Variants in PUM3 observed in about 807,000 individuals in gnomAD.
PUM3 encodes the protein pumilio RNA binding family member 3.
In PUM3, 91 loss-of-function variants were observed where a neutral mutation model predicts 84.0. That is an observed-to-expected ratio of 1.08 (90% confidence interval 0.91 to 1.29). PUM3 has a LOEUF of 1.29. PUM3 is among the 50% of genes most tolerant of loss of function. PUM3 has a pLI of 0.00. For synonymous variants in PUM3, 321 were observed against 266.7 expected (o/e 1.20, Z -1.98); for missense variants, 1,067 against 767.5 (o/e 1.39, Z -4.61).
At position 2,811,494 on chromosome 9, in the gene PUM3, A is replaced by G; in HGVS notation, c.1502T>C (p.Val501Ala). The part of the protein sequence containing the change: ...LSYLQEHAQE[V>A]VLDKSACVLV... Reference sequence around the variant, plus strand: ...CACACACGCAGACTTATCTAGCACCACTTCTTGGGCGTGTTCTTGCAGGTA... The same window carrying G: ...CACACACGCAGACTTATCTAGCACCGCTTCTTGGGCGTGTTCTTGCAGGTA... The change falls in exon 15 of 18, where the codon GTG (valine) becomes GCG (alanine). Residue 501 changes from valine to alanine, a missense_variant. Coordinates refer to ENST00000397885, the MANE Select transcript of PUM3 (RefSeq NM_014878.5). The G allele has an allele frequency of 6.2e-7, 1 of 1,614,150 alleles. No individual in the cohort carries two copies. Among genetic ancestry groups the G allele is most frequent in the Non-Finnish European group, 8.5e-7 (1 of 1,180,026 alleles).
At position 2,838,384 on chromosome 9, in the gene PUM3, C is replaced by G. The variant is rs1816184245; in HGVS notation, c.82+42G>C. 3.0e-6 allele frequency: 4 copies of G among 1,348,506 alleles called. No homozygotes were observed. The Admixed American group carries it at 6.7e-5, about 23-fold the overall frequency. The allele number at this position is 1,348,506 out of a possible 1,614,324, so 83.5% of individuals were successfully genotyped here. On this transcript the variant is annotated intron_variant, in intron 2 of 17. Coordinates refer to ENST00000397885, the MANE Select transcript of PUM3 (RefSeq NM_014878.5). Reference sequence around the variant, plus strand: ...ATTTACTACATGCCCTCCCATCCCCCAATTATAACAGCCAAACACCCACAT... The same window carrying G: ...ATTTACTACATGCCCTCCCATCCCCGAATTATAACAGCCAAACACCCACAT...
chr9:2,824,628 TA>T (rs1815758170), intron 11 of PUM3, 88 bp downstream of exon 11: 3 of 818,826 alleles, frequency 3.7e-6, no homozygotes, highest in East Asian at 6.5e-5. Flanking sequence ...CAAAGGGGGT[TA>T]AAAGTCTAAG....
In PUM3 at chr9:2,828,672, T is replaced by A; in HGVS notation, c.956+3A>T. On this transcript the variant is annotated splice_donor_region_variant and intron_variant, in intron 9 of 17. Transcript: ENST00000397885. ...AAGAACAAAACAAAAACAACTTTCT[T>A]ACTTTTGGGCCATTGGAGTTAGAAT... 1 of 1,535,948 alleles carries A rather than the reference T, an allele frequency of 6.5e-7. No individual in the cohort carries two copies. Among genetic ancestry groups the A allele is most frequent in the Non-Finnish European group, 9.0e-7 (1 of 1,112,180 alleles).
rs1234944918 is a variant in PUM3 at position 2,832,809 on chromosome 9, G to C, written c.516+548C>G. On this transcript the variant is annotated intron_variant, in intron 5 of 17. Transcript: ENST00000397885. Reference sequence around the variant, plus strand: ...AGGTGCCGTAAAACTATGAGAATCTGTTGTCTTCCAAGCCATTATGTATTA... The same window carrying C: ...AGGTGCCGTAAAACTATGAGAATCTCTTGTCTTCCAAGCCATTATGTATTA... Among the ~76,000 whole-genome samples, 4 of 152,162 alleles carry C rather than the reference G, an allele frequency of 2.6e-5. No individual in the cohort carries two copies. The East Asian group carries it at 7.7e-4, about 29-fold the overall frequency.
rs1208150013 is a variant in PUM3 at position 2,837,370 on chromosome 9, C to T, written c.114G>A (p.Arg38=). 1 of 1,613,162 alleles carries T rather than the reference C, an allele frequency of 6.2e-7. No homozygotes were observed. The change falls in exon 3 of 18, where the codon AGG becomes AGA. Residue 38 remains arginine, a synonymous_variant. Coordinates refer to ENST00000397885, the MANE Select transcript of PUM3 (RefSeq NM_014878.5). Reference sequence around the variant, plus strand: ...TAGGTCCACCTTCTTTAGCAACTTTCCTTGTTGGAAATGTCTTTGAAGAAC... The same window carrying T: ...TAGGTCCACCTTCTTTAGCAACTTTTCTTGTTGGAAATGTCTTTGAAGAAC... ...DSGSSKTFPT[R]KVAKEGGPKV... is the part of the protein sequence containing the mutation.
At chr9:2,829,054 C>G (rs916464248) in intron 8 of PUM3, among the ~76,000 whole-genome samples, 3 of 152,172 alleles carry the variant, frequency 2.0e-5, no homozygotes, top group African/African-American at 7.2e-5. Context: ...ATTATGAGAT[C>G]AAGTAGTCAC....
intron 17 of PUM3, among the ~76,000 whole-genome samples, chr9:2,807,162 C>G (rs920260302): frequency 6.6e-6 from 1 of 151,764 alleles, no homozygotes; most frequent in Non-Finnish European, 1.5e-5. Context: ...GAGCTGAGAT[C>G]GCACCACTGC....
intron 13 of PUM3, among the ~76,000 whole-genome samples, chr9:2,817,938 T>C (rs555964130): frequency 2.0e-5 from 3 of 152,368 alleles, no homozygotes; most frequent in South Asian, 4.1e-4. Context: ...TGCATATCAA[T>C]TGACTGCAAA....
rs527980169 is a variant in PUM3 at position 2,836,003 on chromosome 9, G to C, written c.304+1177C>G. Among the ~76,000 whole-genome samples, 8 of 152,256 alleles carry C rather than the reference G, an allele frequency of 5.3e-5. No individual in the cohort carries two copies. The East Asian group carries it at 1.5e-3, about 29-fold the overall frequency. ...AGGTTAGGAAAGAGAAAGTAGAAAA[G>C]AGAGCTGGAAGAGAAACTTCTGGCA... On this transcript the variant is annotated intron_variant, in intron 3 of 17. Coordinates refer to ENST00000397885, the MANE Select transcript of PUM3 (RefSeq NM_014878.5).
At position 2,827,092 on chromosome 9, in the gene PUM3, G is replaced by A. The variant is rs768947089; in HGVS notation, c.1016C>T (p.Ala339Val). 1 of 1,609,222 alleles carries A rather than the reference G, an allele frequency of 6.2e-7. No homozygotes were observed. The highest frequency in any genetic ancestry group is 1.1e-5 in the South Asian group (1 of 89,716). ...HKVFLDFFTYAPPKLRSEMIE... is the reference protein window; with the variant it reads ...HKVFLDFFTYVPPKLRSEMIE... ...ACTTACTGATCTGAGTTTGGGGGGT[G>A]CATAGGTAAAAAAGTCCAAGAATAC... Residue 339 changes from alanine (A) to valine (V), a missense_variant, in exon 10 of 18, where the codon GCA (alanine) becomes GTA (valine). Transcript: ENST00000397885.
intron 1 of PUM3, among the ~76,000 whole-genome samples, chr9:2,840,667 A>C (rs1313236950): frequency 6.6e-6 from 1 of 152,176 alleles, no homozygotes. Context: ...TTGTTGCTCA[A>C]ATAATGCTAG....
chr9:2,831,479 G>A lies in PUM3; in HGVS notation c.517-135C>T, dbSNP rs1044348992. ...TGAATAAAATCAAACCTAGATTACT[G>A]AGAACTACTTGTTTTAATTATACAA... On this transcript the variant is annotated intron_variant, in intron 5 of 17. Coordinates refer to ENST00000397885, the MANE Select transcript of PUM3 (RefSeq NM_014878.5). 49 of 637,294 alleles carry A rather than the reference G, an allele frequency of 7.7e-5. No homozygotes were observed. In the Middle Eastern group the frequency reaches 2.9e-3, roughly 38 times the overall value. 39.5% of individuals were successfully genotyped at this position (637,294 alleles called of 1,614,324 possible).
chr9:2,834,783 C>T (rs942774798), intron 3 of PUM3, among the ~76,000 whole-genome samples: 1 of 152,092 alleles, frequency 6.6e-6, no homozygotes, highest in African/African-American at 2.4e-5. Flanking sequence ...CAATGAACAA[C>T]CAAAATTTCC....
chr9:2,813,624 C>G (rs953516894), intron 13 of PUM3, among the ~76,000 whole-genome samples: 1 of 152,158 alleles, frequency 6.6e-6, no homozygotes, highest in African/African-American at 2.4e-5. Flanking sequence ...TTCAGATCTG[C>G]TCTTCTTAAA....
intron 9 of PUM3, 102 bp from the exon 10 acceptor site, chr9:2,827,253 A>C: frequency 2.7e-6 from 2 of 738,736 alleles, no homozygotes; most frequent in Non-Finnish European, 4.4e-6. Context: ...AACAAGTGAA[A>C]TGGTTTTACT....
chr9:2,838,967 T>C (rs1030891082), intron 1 of PUM3, among the ~76,000 whole-genome samples: 1 of 152,192 alleles, frequency 6.6e-6, no homozygotes, highest in Non-Finnish European at 1.5e-5. Context: ...TACATGCATT[T>C]AATATAAGAA....
chr9:2,828,688 G>C lies in PUM3; in HGVS notation c.943C>G (p.Pro315Ala). The change falls in exon 9 of 18, where the codon CCA becomes GCA. Residue 315 changes from proline (P) to alanine (A), a missense_variant. Coordinates refer to ENST00000397885, the MANE Select transcript of PUM3 (RefSeq NM_014878.5). ...IMDEMKQILT[P>A]MAQKEAVIKH... ...CAACTTTCTTACTTTTGGGCCATTGGAGTTAGAATCTGTTTCATTTCATCC... is the reference window on the plus strand; with the variant it reads ...CAACTTTCTTACTTTTGGGCCATTGCAGTTAGAATCTGTTTCATTTCATCC... 2 of 1,586,378 alleles carry C rather than the reference G, an allele frequency of 1.3e-6. No homozygotes were observed. The highest frequency in any genetic ancestry group is 1.7e-6 in the Non-Finnish European group (2 of 1,155,466).
intron 3 of PUM3, among the ~76,000 whole-genome samples, chr9:2,836,419 G>A (rs1816122055): frequency 1.3e-5 from 2 of 152,162 alleles, no homozygotes; most frequent in Non-Finnish European, 2.9e-5. Context: ...GACAAAGCAC[G>A]ACAGCGGAAT....
Position 2,824,812 on chromosome 9 carries a change from T to C in PUM3, c.1039A>G (p.Met347Val), listed in dbSNP as rs928746030. Residue 347 changes from methionine to valine, a missense_variant, in exon 11 of 18, where the codon ATG becomes GTG. Coordinates refer to ENST00000397885, the MANE Select transcript of PUM3 (RefSeq NM_014878.5). ...TYAPPKLRSEMIEAIREAVVY... is the reference protein window; with the variant it reads ...TYAPPKLRSEVIEAIREAVVY... ...ACCGCTTCGCGGATGGCTTCAATCA[T>C]TTCCTAGGGAACAAATGCTGTCAGG... 3 of 1,560,036 alleles carry C rather than the reference T, an allele frequency of 1.9e-6. No homozygotes were observed. Among genetic ancestry groups the C allele is most frequent in the African/African-American group, 2.7e-5 (2 of 73,970 alleles).
Sources: gnomAD v4.1 joint callset for allele counts (sites outside exome capture counted in the v4.1 genomes callset) on GRCh38, gnomAD v4.1.1 for gene constraint, MANE v1.5 for transcripts, NCBI Gene and HGNC (gene_info 2026-07-23, HGNC 2026-07-21) for gene names.